Variants in PDZRN4 observed in about 807,000 individuals in gnomAD.
PDZRN4 encodes PDZ domain-containing RING finger protein 4.
A neutral mutation model predicts 99.0 loss-of-function variants in PDZRN4; 70 were observed. That is an observed-to-expected ratio of 0.71 (90% CI 0.58 to 0.86). The LOEUF (loss-of-function observed/expected upper bound fraction) is 0.86, where lower values mean the gene tolerates loss of function less well. PDZRN4 is among the 40% of genes least tolerant of loss of function. The pLI, the probability that PDZRN4 is intolerant of heterozygous loss-of-function variation, is 0.00. For missense variants in PDZRN4, 1,474 were observed against 1,331.2 expected (o/e 1.11, Z -1.67); for synonymous variants, 551 against 501.6 (o/e 1.10, Z -1.32).
chr12:41,440,918 A>G (rs1471743654), intron 3 of PDZRN4, among the ~76,000 whole-genome samples: 1 of 152,154 alleles, frequency 6.6e-6, no homozygotes, highest in African/African-American at 2.4e-5. Flanking sequence ...TAATTTGATT[A>G]AATACCCATC....
intron 6 of PDZRN4, 89 bp downstream of exon 6, chr12:41,552,843 A>T (rs894972591): frequency 2.6e-5 from 26 of 988,210 alleles, no homozygotes; most frequent in Non-Finnish European, 3.9e-5. Flanking sequence ...CTTCCTTCAG[A>T]GGCTTGAATG....
chr12:41,532,767 G>C (rs1325199661), intron 5 of PDZRN4, among the ~76,000 whole-genome samples: 1 of 152,112 alleles, frequency 6.6e-6, no homozygotes, highest in African/African-American at 2.4e-5. Flanking sequence ...TATAAAAAGG[G>C]AATATTTATA....
chr12:41,406,028 C>G (rs1349669979), intron 3 of PDZRN4, among the ~76,000 whole-genome samples: 2 of 151,974 alleles, frequency 1.3e-5, no homozygotes, highest in African/African-American at 4.8e-5. Context: ...GTAATATACT[C>G]ATGTAACAGA....
chr12:41,404,752 A>G (rs920931099), intron 3 of PDZRN4, among the ~76,000 whole-genome samples: 11 of 151,936 alleles, frequency 7.2e-5, no homozygotes, highest in Admixed American at 3.9e-4. Flanking sequence ...ACTAAAAAAA[A>G]AAAGAGCATA....
intron 3 of PDZRN4, among the ~76,000 whole-genome samples, chr12:41,359,451 A>T (rs1484318200): frequency 3.3e-5 from 5 of 151,994 alleles, no homozygotes; most frequent in Non-Finnish European, 7.4e-5. Context: ...GCTAGGACTT[A>T]CTGCACTGAC....
chr12:41,558,672 A>G (rs960633675), intron 7 of PDZRN4, among the ~76,000 whole-genome samples: 2 of 152,212 alleles, frequency 1.3e-5, no homozygotes, highest in Non-Finnish European at 2.9e-5. Flanking sequence ...GTCTAGATTC[A>G]CTAAGGAAAC....
chr12:41,337,203 G>T (rs1951781825), intron 3 of PDZRN4, among the ~76,000 whole-genome samples: 1 of 152,118 alleles, frequency 6.6e-6, no homozygotes, highest in Non-Finnish European at 1.5e-5. Flanking sequence ...GATGGAGTTA[G>T]TTAGGTCTGA....
chr12:41,300,127 G>T (rs906926725), intron 3 of PDZRN4, among the ~76,000 whole-genome samples: 3 of 151,854 alleles, frequency 2.0e-5, no homozygotes, highest in African/African-American at 4.8e-5. Flanking sequence ...TTACTGATAA[G>T]TACATTCTAA....
At chr12:41,431,353 A>C (rs763991473) in intron 3 of PDZRN4, among the ~76,000 whole-genome samples, 67 of 152,240 alleles carry the variant, frequency 4.4e-4, no homozygotes, top group Non-Finnish European at 5.6e-4. Flanking sequence ...CGAGAAACCA[A>C]GAAACAGAGA....
chr12:41,421,726 T>G (rs997107352), intron 3 of PDZRN4, among the ~76,000 whole-genome samples: 1 of 152,166 alleles, frequency 6.6e-6, no homozygotes, highest in African/African-American at 2.4e-5. Flanking sequence ...GTATGTAACT[T>G]GTTTCTTCAC....
chr12:41,222,751 A>G (rs1477081675), intron 3 of PDZRN4, among the ~76,000 whole-genome samples: 2 of 151,912 alleles, frequency 1.3e-5, no homozygotes, highest in Non-Finnish European at 2.9e-5. Flanking sequence ...TCTCGAACTC[A>G]TGACCTCAAG....
At chr12:41,274,433 C>T (rs1951336589) in intron 3 of PDZRN4, among the ~76,000 whole-genome samples, 1 of 152,076 alleles carries the variant, frequency 6.6e-6, no homozygotes, top group African/African-American at 2.4e-5. Flanking sequence ...GAGCTTGTTT[C>T]TATGTTTAGT....
chr12:41,389,260 A>G (rs1283067331), intron 3 of PDZRN4, among the ~76,000 whole-genome samples: 1 of 152,184 alleles, frequency 6.6e-6, no homozygotes, highest in East Asian at 1.9e-4. Flanking sequence ...AAGTGAAGCA[A>G]CATCTAATTA....
chr12:41,326,350 C>T (rs534933301), intron 3 of PDZRN4, among the ~76,000 whole-genome samples: 8 of 152,148 alleles, frequency 5.3e-5, no homozygotes, highest in Non-Finnish European at 1.2e-4. Context: ...GTTTACCTAA[C>T]CATATTGCAG....
intron 5 of PDZRN4, among the ~76,000 whole-genome samples, chr12:41,540,883 T>C (rs1938839942): frequency 8.8e-6 from 1 of 113,386 alleles, no homozygotes; most frequent in Non-Finnish European, 1.9e-5. Context: ...GTTGTTGTTG[T>C]TGTTGTTGTC....
At chr12:41,347,046 C>CAGTT (rs2121028897) in intron 3 of PDZRN4, among the ~76,000 whole-genome samples, 1 of 152,104 alleles carries the variant, frequency 6.6e-6, no homozygotes, top group East Asian at 1.9e-4. Context: ...GTTTATCTAT[C>CAGTT]AGTTGATAGA....
At chr12:41,438,147 G>A (rs1275126049) in intron 3 of PDZRN4, 1 of 1,098,330 alleles carries the variant, frequency 9.1e-7, no homozygotes, top group Non-Finnish European at 1.3e-6. Flanking sequence ...GCTGGTTTGG[G>A]GCTTTTAATT....
In PDZRN4 at chr12:41,506,511, G is replaced by C; in HGVS notation, c.899G>C (p.Arg300Pro). The change falls in exon 4 of 10, where the codon CGC (arginine) becomes CCC (proline). Residue 300 changes from arginine to proline, a missense_variant. Transcript: ENST00000402685. ...CATGAAGAGGCAGTGGAAGCTTTTC[G>C]CAATGCCAAGGAGCCCATTGTGGTG... is the stretch of plus-strand genomic sequence containing the variant. The part of the protein sequence containing the change: ...ATHEEAVEAF[R>P]NAKEPIVVQV... 1 of 1,613,586 alleles carries C rather than the reference G, an allele frequency of 6.2e-7. No individual in the cohort carries two copies. Among genetic ancestry groups the C allele is most frequent in the East Asian group, 2.2e-5 (1 of 44,838 alleles).
At chr12:41,298,475 C>T (rs184246743) in intron 3 of PDZRN4, among the ~76,000 whole-genome samples, 2 of 152,144 alleles carry the variant, frequency 1.3e-5, no homozygotes, top group East Asian at 3.9e-4. Flanking sequence ...TACTTCATCC[C>T]CTGTGATACT....
Sources: gnomAD v4.1 joint callset for allele counts (sites outside exome capture counted in the v4.1 genomes callset) on GRCh38, gnomAD v4.1.1 for gene constraint, MANE v1.5 for transcripts, NCBI Gene and HGNC (gene_info 2026-07-23, HGNC 2026-07-21) for gene names.